Variants in DPP6 observed in about 807,000 individuals in gnomAD.
The protein encoded by DPP6 is A-type potassium channel modulatory protein DPP6.
A neutral mutation model predicts 122.6 loss-of-function variants in DPP6; 69 were observed. The ratio of observed to expected loss-of-function variants is 0.56; its 90% CI spans 0.46 to 0.69. The LOEUF (loss-of-function observed/expected upper bound fraction) is 0.69, where lower values mean the gene tolerates loss of function less well. Among genes scored for constraint, DPP6 ranks in the 30% least tolerant of loss-of-function variants. The pLI is 0.00. For missense variants in DPP6, 928 were observed against 1,116.9 expected, an observed-to-expected ratio of 0.83 and a Z score of 2.41; for synonymous variants, 418 against 433.1, an observed-to-expected ratio of 0.97 and a Z score of 0.43.
intron 1 of DPP6, among the ~76,000 whole-genome samples, chr7:154,197,099 T>C (rs530891436): frequency 1.3e-5 from 2 of 152,014 alleles, no homozygotes; most frequent in Non-Finnish European, 2.9e-5. Context: ...GCTTTGTGTA[T>C]TGAGTTTGAT....
chr7:153,849,501 A>G, the DPP6 span, among the ~76,000 whole-genome samples: 1 of 151,762 alleles, frequency 6.6e-6, no homozygotes, highest in Admixed American at 6.6e-5. Flanking sequence ...TCCCATATTA[A>G]CTCCCATTAA....
the DPP6 span, among the ~76,000 whole-genome samples, chr7:153,831,504 T>C: frequency 1.3e-4 from 20 of 152,260 alleles, no homozygotes; most frequent in Admixed American, 1.2e-3. Flanking sequence ...AAACGTTTTC[T>C]ATAAAGGGAC....
intron 1 of DPP6, among the ~76,000 whole-genome samples, chr7:154,242,837 C>T (rs1801713389): frequency 6.6e-6 from 1 of 152,178 alleles, no homozygotes; most frequent in African/African-American, 2.4e-5. Context: ...CCATGGCAGG[C>T]AGTACACAGG....
At chr7:154,692,302 C>T (rs907722477) in intron 7 of DPP6, among the ~76,000 whole-genome samples, 9 of 152,124 alleles carry the variant, frequency 5.9e-5, no homozygotes, top group African/African-American at 1.9e-4. Flanking sequence ...ATTTCCTAAT[C>T]CATAAAATGA....
intron 1 of DPP6, among the ~76,000 whole-genome samples, chr7:154,019,744 G>A (rs1798609234): frequency 6.6e-6 from 1 of 152,164 alleles, no homozygotes; most frequent in African/African-American, 2.4e-5. Context: ...TATTGATTTA[G>A]TAATAGCTTA....
At chr7:153,933,424 T>C (rs941425000) in intron 1 of DPP6, among the ~76,000 whole-genome samples, 1 of 152,194 alleles carries the variant, frequency 6.6e-6, no homozygotes, top group African/African-American at 2.4e-5. Flanking sequence ...TGTCTATGTT[T>C]ATTTATAATA....
the DPP6 span, among the ~76,000 whole-genome samples, chr7:153,749,372 C>A: frequency 2.6e-5 from 4 of 152,058 alleles, no homozygotes; most frequent in Admixed American, 6.5e-5. This position sits in a 1 kb window ranked among gnomAD's most constrained non-coding sequence, Gnocchi z 4.1. Context: ...CAGAGCCCCT[C>A]CCCCTTTCAC....
intron 5 of DPP6, among the ~76,000 whole-genome samples, chr7:154,581,898 T>G (rs975692645): frequency 2.6e-5 from 4 of 152,216 alleles, no homozygotes; most frequent in African/African-American, 9.6e-5. Context: ...CTCCTGCTGC[T>G]AGAAACCAGG....
At chr7:154,194,460 A>C (rs55731020) in intron 1 of DPP6, among the ~76,000 whole-genome samples, 5,488 of 152,316 alleles carry the variant, frequency 0.036, 322 homozygotes, top group African/African-American at 0.13. Context: ...GTATACATCC[A>C]GAAACTCACC....
chr7:154,652,622 A>G (rs1836950346), intron 6 of DPP6, among the ~76,000 whole-genome samples: 1 of 152,108 alleles, frequency 6.6e-6, no homozygotes, highest in African/African-American at 2.4e-5. Context: ...CTCAGGCTGC[A>G]TGAAGCTGCT....
chr7:154,681,583 C>T (rs1022248457), intron 7 of DPP6, among the ~76,000 whole-genome samples: 4 of 152,094 alleles, frequency 2.6e-5, no homozygotes, highest in African/African-American at 9.7e-5. Flanking sequence ...CTTTTCCGGT[C>T]GCCTCGGGTA....
chr7:154,244,531 CTG>C (rs1353637333), intron 1 of DPP6, among the ~76,000 whole-genome samples: 1 of 152,038 alleles, frequency 6.6e-6, no homozygotes, highest in African/African-American at 2.4e-5. Flanking sequence ...AGACACCTGA[CTG>C]TAAAATGTAT....
intron 3 of DPP6, among the ~76,000 whole-genome samples, chr7:154,510,104 A>C (rs1825949432): frequency 1.3e-5 from 2 of 152,188 alleles, no homozygotes; most frequent in African/African-American, 4.8e-5. Flanking sequence ...ATTCTATCTC[A>C]ATGAAGCTGT....
the DPP6 span, among the ~76,000 whole-genome samples, chr7:153,881,827 A>G: frequency 3.0e-4 from 45 of 152,268 alleles, no homozygotes; most frequent in African/African-American, 9.6e-4. Context: ...TATTGCTCCT[A>G]TAAAATGTAT....
the DPP6 span, among the ~76,000 whole-genome samples, chr7:153,842,215 G>A: frequency 1.3e-5 from 2 of 152,164 alleles, no homozygotes; most frequent in African/African-American, 4.8e-5. Flanking sequence ...ATTTAGAAAT[G>A]CTACTAAACA....
At chr7:154,269,963 T>C (rs1803683088) in intron 1 of DPP6, among the ~76,000 whole-genome samples, 1 of 152,088 alleles carries the variant, frequency 6.6e-6, no homozygotes, top group Non-Finnish European at 1.5e-5. Flanking sequence ...TAATGGGAAA[T>C]AATGCAAAGG....
intron 1 of DPP6, among the ~76,000 whole-genome samples, chr7:154,402,190 C>T (rs1431955824): frequency 3.3e-5 from 5 of 151,336 alleles, no homozygotes; most frequent in Admixed American, 2.0e-4. Context: ...GTCAGTGTGG[C>T]GATTCCTCAG....
chr7:154,139,716 T>C (rs1355307703), intron 1 of DPP6, among the ~76,000 whole-genome samples: 1 of 151,994 alleles, frequency 6.6e-6, no homozygotes, highest in South Asian at 2.1e-4. Context: ...ATCTCTTGAC[T>C]ACTTTTTACC....
chr7:154,848,979 TG>T lies in DPP6; in HGVS notation c.1667-4799del, dbSNP rs537310950. Among the ~76,000 whole-genome samples the T allele has an allele frequency of 2.8e-3, 411 of 147,980 alleles. 1 individual carries two copies. Among genetic ancestry groups the T allele is most frequent in the African/African-American group, 9.7e-3 (390 of 40,008 alleles). Reference sequence around the variant, plus strand: ...AAAAATAAATTAACTGTAGATGAATTGGTTTATTTCTGGGCTCTCTATCCTA... The same window carrying T: ...AAAAATAAATTAACTGTAGATGAATTGTTTATTTCTGGGCTCTCTATCCTA... On this transcript the variant is annotated intron_variant, in intron 16 of 25. Transcript: ENST00000377770.
Sources: gnomAD v4.1 joint callset for allele counts (sites outside exome capture counted in the v4.1 genomes callset) on GRCh38, gnomAD v4.1.1 for gene constraint, Gnocchi (gnomAD v3.1) non-coding constraint, MANE v1.5 for transcripts, NCBI Gene and HGNC (gene_info 2026-07-23, HGNC 2026-07-21) for gene names.